SLC4A4: variants seen among roughly 807,000 people sequenced by gnomAD.
SLC4A4 encodes the protein solute carrier family 4 member 4.
In SLC4A4, 27 loss-of-function variants were observed where a neutral mutation model predicts 111.5. That is an observed-to-expected ratio of 0.24 (90% CI 0.18 to 0.33). The LOEUF (loss-of-function observed/expected upper bound fraction) is 0.33. Ranked by LOEUF, SLC4A4 falls within the 10% of genes least tolerant of loss-of-function variation. The pLI, the probability that SLC4A4 is intolerant of heterozygous loss-of-function variation, is 1.00. For missense variants in SLC4A4, 909 were observed against 1,315.5 expected, an observed-to-expected ratio of 0.69 and a Z score of 4.78; for synonymous variants, 443 against 463.4, an observed-to-expected ratio of 0.96 and a Z score of 0.57.
At chr4:71,139,179 TTGTGTGTGTGTGTGTGTGTG>T (rs57359640) in intron 2 of SLC4A4, among the ~76,000 whole-genome samples, 17 of 144,438 alleles carry the variant, frequency 1.2e-4, no homozygotes, top group Admixed American at 5.5e-4. Flanking sequence ...TCCCTTTTCT[TTGTGTGTGTGTGTGTGTGTG>T]TGTGTGTGTG....
intron 5 of SLC4A4, among the ~76,000 whole-genome samples, chr4:71,356,528 C>A (rs1477011560): frequency 1.3e-5 from 2 of 152,066 alleles, no homozygotes; most frequent in East Asian, 3.9e-4. Flanking sequence ...ATACTGTTTC[C>A]CTTGACTGTA....
chr4:71,075,081 C>A lies in SLC4A4; in HGVS notation c.-65+12293C>A, dbSNP rs149558027. Reference sequence around the variant, plus strand: ...CTTCACATTTGCGCTATTATTAGCACCAGGATTAGGCTGAATTTAGACTAG... The same window carrying A: ...CTTCACATTTGCGCTATTATTAGCAACAGGATTAGGCTGAATTTAGACTAG... On this transcript the variant is annotated intron_variant, in intron 1 of 26. Coordinates refer to the SLC4A4 transcript ENST00000649996. Among the ~76,000 whole-genome samples the A allele has an allele frequency of 1.6e-4, 25 of 152,238 alleles. No homozygotes were observed. The East Asian group carries it at 4.4e-3, about 27-fold the overall frequency.
At chr4:71,098,725 A>G (rs1742630522) in intron 2 of SLC4A4, among the ~76,000 whole-genome samples, 1 of 152,154 alleles carries the variant, frequency 6.6e-6, no homozygotes, top group Admixed American at 6.5e-5. Context: ...GGCCCATTCC[A>G]CATGTAATGA....
chr4:71,257,380 T>C (rs1000308568), intron 3 of SLC4A4, among the ~76,000 whole-genome samples: 13 of 152,264 alleles, frequency 8.5e-5, no homozygotes, highest in African/African-American at 3.1e-4. Context: ...TACACTAATA[T>C]GCCTTTGGCA....
chr4:71,398,351 T>A (rs543754398), intron 7 of SLC4A4, among the ~76,000 whole-genome samples: 312 of 152,144 alleles, frequency 2.1e-3, no homozygotes, highest in African/African-American at 7.3e-3. Flanking sequence ...GGGGATACTT[T>A]AGGGCAAGGT....
chr4:71,088,014 C>T (rs13144201), intron 1 of SLC4A4, among the ~76,000 whole-genome samples: 51,420 of 151,674 alleles, frequency 0.34, 9,298 homozygotes, highest in African/African-American at 0.46. Context: ...GTGTTAAAAT[C>T]TCCCATTATT....
chr4:71,425,058 T>G (rs999103501), intron 7 of SLC4A4, among the ~76,000 whole-genome samples: 5 of 152,126 alleles, frequency 3.3e-5, no homozygotes, highest in African/African-American at 1.2e-4. Context: ...CTTATCCTTT[T>G]TCTTCTTCTA....
intron 1 of SLC4A4, among the ~76,000 whole-genome samples, chr4:71,089,831 T>C (rs1210111718): frequency 6.6e-6 from 1 of 151,722 alleles, no homozygotes; most frequent in Non-Finnish European, 1.5e-5. Context: ...CCAATTAGGC[T>C]ACTCAGGGGT....
intron 3 of SLC4A4, among the ~76,000 whole-genome samples, chr4:71,269,935 A>G (rs943672466): frequency 1.3e-5 from 2 of 152,226 alleles, no homozygotes; most frequent in Non-Finnish European, 2.9e-5. Context: ...ATAAAGAAAT[A>G]TACCTCACCA....
intron 20 of SLC4A4, among the ~76,000 whole-genome samples, chr4:71,550,043 T>A (rs1217713472): frequency 6.6e-6 from 1 of 151,900 alleles, no homozygotes; most frequent in African/African-American, 2.4e-5. Flanking sequence ...GCTGCTAGTG[T>A]TCATGATTGT....
intron 3 of SLC4A4, among the ~76,000 whole-genome samples, chr4:71,256,188 G>T (rs1388342779): frequency 6.6e-6 from 1 of 152,194 alleles, no homozygotes; most frequent in Non-Finnish European, 1.5e-5. Context: ...GAGTTACACA[G>T]TGACAGCTTT....
chr4:71,230,360 A>G (rs1246999084), intron 1 of SLC4A4, among the ~76,000 whole-genome samples: 1 of 152,202 alleles, frequency 6.6e-6, no homozygotes, highest in African/African-American at 2.4e-5. Flanking sequence ...CATGGCAAAA[A>G]TGGCTAATAA....
At chr4:71,440,146 T>C (rs998450395) in intron 7 of SLC4A4, among the ~76,000 whole-genome samples, 8 of 152,088 alleles carry the variant, frequency 5.3e-5, no homozygotes, top group Admixed American at 5.2e-4. Flanking sequence ...GATAGTACCT[T>C]TTTTACTTGT....
At chr4:71,560,365 C>G (rs1198486649) in intron 23 of SLC4A4, 111 bp downstream of exon 23, 3 of 1,233,670 alleles carry the variant, frequency 2.4e-6, no homozygotes, top group Non-Finnish European at 3.4e-6. Flanking sequence ...GAATGTTTAT[C>G]TGGACATGTG....
rs369202550 is a variant in SLC4A4, at chr4:71,370,387, C to G, written c.730+13200C>G. On this transcript the variant is annotated intron_variant, in intron 6 of 25. Transcript: ENST00000264485. ...GAAGCTCTAACACTCACATGATTCT[C>G]TCTGCAAGAATCAAGCATTTCTTCT... is the stretch of plus-strand genomic sequence containing the variant. Among the ~76,000 whole-genome samples, 376 of 152,292 alleles carry G rather than the reference C, an allele frequency of 2.5e-3. 1 individual carries two copies. In the Middle Eastern group the frequency reaches 0.034, roughly 14 times the overall value.
At chr4:71,086,667 T>C (rs1742185728) in intron 1 of SLC4A4, among the ~76,000 whole-genome samples, 1 of 152,096 alleles carries the variant, frequency 6.6e-6, no homozygotes. Flanking sequence ...GATAATCGTA[T>C]GGTTTTTGTC....
chr4:71,565,205 C>T (rs11935341), intron 24 of SLC4A4, among the ~76,000 whole-genome samples: 138,211 of 151,804 alleles, frequency 0.91, 64,040 homozygotes, highest in Non-Finnish European at 0.99. Flanking sequence ...TTATTTGGCC[C>T]ACGCCCCATG....
rs143890840 is a variant in SLC4A4 at position 71,368,290 on chromosome 4, C to G, written c.730+11103C>G. 2.4e-3 allele frequency among the ~76,000 whole-genome samples: 367 copies of G among 152,236 alleles called. 3 individuals carry two copies. The highest frequency in any genetic ancestry group is 2.0e-3 in the Non-Finnish European group (138 of 68,014). On this transcript the variant is annotated intron_variant, in intron 6 of 25. Coordinates refer to ENST00000264485, the MANE Select transcript of SLC4A4 (RefSeq NM_001098484.3). ...TATGTAGCCTGCAACATTATTTAAT[C>G]TTTGCTGTGGTCTAAGATTTGGCAT...
At chr4:71,306,918 A>G (rs530066046) in intron 3 of SLC4A4, among the ~76,000 whole-genome samples, 110 of 152,170 alleles carry the variant, frequency 7.2e-4, no homozygotes, top group Non-Finnish European at 1.3e-3. Context: ...AGGAGCTCAC[A>G]TGTATTTTGC....
Sources: gnomAD v4.1 joint callset for allele counts (sites outside exome capture counted in the v4.1 genomes callset) on GRCh38, gnomAD v4.1.1 for gene constraint, MANE v1.5 for transcripts, NCBI Gene and HGNC (gene_info 2026-07-23, HGNC 2026-07-21) for gene names.